LRP12: variants seen among roughly 807,000 people sequenced by gnomAD.
LRP12 encodes the protein LDL receptor related protein 12, also known as low-density lipoprotein receptor-related protein 12.
In LRP12, 14 loss-of-function variants were observed where a neutral mutation model predicts 66.0. The ratio of observed to expected loss-of-function variants is 0.21; its 90% CI spans 0.14 to 0.33. The LOEUF is 0.33. Ranked by LOEUF, LRP12 falls within the 10% of genes least tolerant of loss-of-function variation. LRP12 has a pLI of 1.00. For missense variants in LRP12, 889 were observed against 1,053.4 expected (o/e 0.84, Z 2.16); for synonymous variants, 357 against 359.1 (o/e 0.99, Z 0.07).
chr8:104,547,666 CTA>C (rs1303576247), intron 1 of LRP12, among the ~76,000 whole-genome samples: 2 of 111,774 alleles, frequency 1.8e-5, no homozygotes, highest in Admixed American at 1.0e-4. Context: ...TAATATAATT[CTA>C]TATTATATTT....
chr8:104,560,832 T>C (rs7819909), intron 1 of LRP12, among the ~76,000 whole-genome samples: 1,952 of 152,272 alleles, frequency 0.013, 51 homozygotes, highest in African/African-American at 0.043. Flanking sequence ...TTTCATTTGG[T>C]TGTTGCGCTT....
intron 1 of LRP12, among the ~76,000 whole-genome samples, chr8:104,563,291 C>T (rs927231516): frequency 6.6e-6 from 1 of 151,986 alleles, no homozygotes; most frequent in Admixed American, 6.6e-5. Context: ...TTTTAATTTA[C>T]TTAGTTATTA....
At chr8:104,502,545 G>A (rs1810842467) in intron 3 of LRP12, among the ~76,000 whole-genome samples, 1 of 152,138 alleles carries the variant, frequency 6.6e-6, no homozygotes, top group Non-Finnish European at 1.5e-5. Flanking sequence ...ACAAGACCAC[G>A]GTGATCTGCT....
At chr8:104,546,144 C>T (rs1444458807) in intron 1 of LRP12, among the ~76,000 whole-genome samples, 2 of 151,940 alleles carry the variant, frequency 1.3e-5, no homozygotes, top group Non-Finnish European at 2.9e-5. Flanking sequence ...AAGAGACTAG[C>T]GATAAAAATG....
chr8:104,503,264 T>C (rs78209612), intron 3 of LRP12, among the ~76,000 whole-genome samples: 1 of 138,228 alleles, frequency 7.2e-6, no homozygotes, highest in Non-Finnish European at 1.5e-5. Context: ...GAGGCAAAGG[T>C]TGCAGTGAGC....
At chr8:104,525,987 C>A (rs1030403246) in intron 2 of LRP12, among the ~76,000 whole-genome samples, 1 of 152,166 alleles carries the variant, frequency 6.6e-6, no homozygotes, top group East Asian at 1.9e-4. Flanking sequence ...AGCAGTCTCA[C>A]GATACAAAAT....
At chr8:104,559,436 G>A (rs1371107407) in intron 1 of LRP12, among the ~76,000 whole-genome samples, 2 of 149,554 alleles carry the variant, frequency 1.3e-5, no homozygotes, top group African/African-American at 5.1e-5. Flanking sequence ...ATGATACAAT[G>A]GACTTTGGGG....
At chr8:104,582,542 C>A (rs1215463794) in intron 1 of LRP12, among the ~76,000 whole-genome samples, 1 of 152,072 alleles carries the variant, frequency 6.6e-6, no homozygotes, top group Non-Finnish European at 1.5e-5. Context: ...ATTGGAAATC[C>A]AGCTTTTGCT....
At chr8:104,506,723 C>G (rs976116757) in intron 3 of LRP12, 1 of 152,118 alleles carries the variant, frequency 6.6e-6, no homozygotes, top group African/African-American at 2.4e-5. Flanking sequence ...TGCTGGTATT[C>G]AATCCTCTCT....
rs543240488 is a variant in LRP12, at chr8:104,541,021, C to T, written c.80-9058G>A. Among the ~76,000 whole-genome samples, 4 of 152,286 alleles carry T rather than the reference C, an allele frequency of 2.6e-5. No individual in the cohort carries two copies. The South Asian group carries it at 6.2e-4, about 24-fold the overall frequency. On this transcript the variant is annotated intron_variant, in intron 1 of 6. Coordinates refer to ENST00000276654, the MANE Select transcript of LRP12 (RefSeq NM_013437.5). ...TCCTGGGATTACAGGCGTGAGCCAC[C>T]GCGCCCGGCCAAACCATATTCTTAA...
chr8:104,553,368 C>T lies in LRP12; in HGVS notation c.80-21405G>A, dbSNP rs116773224. Among the ~76,000 whole-genome samples, 1,494 of 152,210 alleles carry T rather than the reference C, an allele frequency of 9.8e-3. 16 individuals are homozygous for T. The highest frequency in any genetic ancestry group is 0.033 in the African/African-American group (1,362 of 41,536). On this transcript the variant is annotated intron_variant, in intron 1 of 6. Coordinates refer to ENST00000276654, the MANE Select transcript of LRP12 (RefSeq NM_013437.5). ...GGGCCAAGTTCTCAGCCTTGCTCAC[C>T]GGCTGCCTGGAAATAAACTTGGTGC... is the stretch of plus-strand genomic sequence containing the variant.
chr8:104,553,897 C>T (rs1020369793), intron 1 of LRP12, among the ~76,000 whole-genome samples: 3 of 152,208 alleles, frequency 2.0e-5, no homozygotes, highest in African/African-American at 7.2e-5. Flanking sequence ...ATGTTATGTT[C>T]ACTGGAAAGA....
intron 3 of LRP12, among the ~76,000 whole-genome samples, chr8:104,499,959 C>T (rs1357263995): frequency 6.6e-6 from 1 of 152,156 alleles, no homozygotes; most frequent in East Asian, 1.9e-4. Flanking sequence ...GAAAAGTTTG[C>T]AGCTGACATT....
intron 1 of LRP12, among the ~76,000 whole-genome samples, chr8:104,539,981 T>C (rs2140869642): frequency 6.6e-6 from 1 of 152,266 alleles, no homozygotes; most frequent in South Asian, 2.1e-4. Flanking sequence ...GGAGGCCTCA[T>C]TTTGCTTGTG....
rs771956130 is a variant in LRP12 at position 104,497,632 on chromosome 8, T to C, written c.920A>G (p.Asp307Gly). The change falls in exon 5 of 7, where the codon GAT becomes GGT. Residue 307 changes from aspartate (D) to glycine (G), a missense_variant. Coordinates refer to ENST00000276654, the MANE Select transcript of LRP12 (RefSeq NM_013437.5). This position sits in a 1 kb window ranked among gnomAD's most constrained non-coding sequence, Gnocchi z 4.3. ...GACATAATCACCATAACCAGTACCA[T>C]CAAGTTTAAAGTCAGTGAAGCGTAA... Reference protein sequence around the residue: ...VILRFTDFKLDGTGYGDYVKI... With the variant: ...VILRFTDFKLGGTGYGDYVKI... The C allele has an allele frequency of 6.2e-6, 10 of 1,614,076 alleles. No homozygotes were observed. The highest frequency in any genetic ancestry group is 8.5e-6 in the Non-Finnish European group (10 of 1,179,998).
intron 1 of LRP12, among the ~76,000 whole-genome samples, chr8:104,588,211 T>C (rs946222942): frequency 1.3e-5 from 2 of 152,164 alleles, no homozygotes. Flanking sequence ...TGGAAACTAT[T>C]TTCTGGCCTT....
chr8:104,578,780 A>G (rs537787542), intron 1 of LRP12, among the ~76,000 whole-genome samples: 1 of 152,332 alleles, frequency 6.6e-6, no homozygotes, highest in Non-Finnish European at 1.5e-5. Context: ...AACATATGCA[A>G]ATCAATAAAT....
At chr8:104,573,606 A>AC (rs1812115946) in intron 1 of LRP12, among the ~76,000 whole-genome samples, 1 of 152,052 alleles carries the variant, frequency 6.6e-6, no homozygotes, top group African/African-American at 2.4e-5. Context: ...TTAGTACAAA[A>AC]TTTTTAATTT....
intron 2 of LRP12, among the ~76,000 whole-genome samples, chr8:104,515,325 G>C (rs1180233140): frequency 1.3e-5 from 2 of 152,032 alleles, no homozygotes; most frequent in African/African-American, 4.8e-5. Flanking sequence ...ATATGTAATT[G>C]GCAAATAAAT....
Sources: gnomAD v4.1 joint callset for allele counts (sites outside exome capture counted in the v4.1 genomes callset) on GRCh38, gnomAD v4.1.1 for gene constraint, Gnocchi (gnomAD v3.1) non-coding constraint, MANE v1.5 for transcripts, NCBI Gene and HGNC (gene_info 2026-07-23, HGNC 2026-07-21) for gene names.